Variants in TNFRSF4 observed in about 807,000 individuals in gnomAD.
TNFRSF4 encodes the protein TNF receptor superfamily member 4, also known as tumor necrosis factor receptor superfamily member 4.
Under a neutral mutation model 29.5 loss-of-function variants are expected in TNFRSF4, and 21 were observed. That is an observed-to-expected ratio of 0.71 (90% CI 0.51 to 1.03). TNFRSF4 has a LOEUF of 1.03. Among genes scored for constraint, TNFRSF4 ranks in the 50% least tolerant of loss-of-function variants. TNFRSF4 has a pLI of 0.00. For synonymous variants in TNFRSF4, 197 were observed against 172.7 expected, an observed-to-expected ratio of 1.14 and a Z score of -1.10; for missense variants, 408 against 387.8, an observed-to-expected ratio of 1.05 and a Z score of -0.44.
rs536607553 is a variant in TNFRSF4, at chr1:1,211,561, C to T, written c.828G>A (p.Lys276=). The change falls in exon 7 of 7, where the codon AAG becomes AAA. Residue 276 remains lysine, a synonymous_variant. Coordinates refer to ENST00000379236, the MANE Select transcript of TNFRSF4 (RefSeq NM_003327.4). ...CCACCTTGGTGGGCCCAGGTCAGAT[C>T]TTGGCCAGGGTGGAGTGGGCGTCGG... is the stretch of plus-strand genomic sequence containing the variant. ...EQADAHSTLA[K]I is the part of the protein sequence containing the mutation. 2 of 1,504,216 alleles carry T rather than the reference C, an allele frequency of 1.3e-6. No individual in the cohort carries two copies. The highest frequency in any genetic ancestry group is 1.3e-5 in the South Asian group (1 of 74,726). The allele number at this position is 1,504,216 out of a possible 1,614,324, so 93.2% of individuals were successfully genotyped here. A position where few individuals can be genotyped will look rare whatever the true frequency, so the allele number is the denominator to read the frequency against.
intron 1 of TNFRSF4, 39 bp from the exon 2 acceptor site, chr1:1,213,824 A>T: frequency 6.4e-7 from 1 of 1,561,136 alleles, no homozygotes; most frequent in Non-Finnish European, 8.6e-7. Context: ...GTCAGGCCCC[A>T]GGCTTGCGCC....
Position 1,211,495 on chromosome 1 carries a change from C to G in TNFRSF4, c.*60G>C. The G allele has an allele frequency of 6.9e-7, 1 of 1,447,466 alleles. No individual in the cohort carries two copies. The highest frequency in any genetic ancestry group is 2.6e-5 in the East Asian group (1 of 38,358). The allele number at this position is 1,447,466 out of a possible 1,614,324, so 89.7% of individuals were successfully genotyped here. On this transcript the variant is annotated 3_prime_UTR_variant, in exon 7 of 7. Transcript: ENST00000379236. ...GGCGGCCTGCACCTGCCCTGCTCGCCCAGCAGACCCTCCGGGCTCCAGCCT... is the reference window on the plus strand; with the variant it reads ...GGCGGCCTGCACCTGCCCTGCTCGCGCAGCAGACCCTCCGGGCTCCAGCCT...
Position 1,211,934 on chromosome 1 carries a change from G to A in TNFRSF4, c.634+8C>T, listed in dbSNP as rs199647845. ...GGGGCCCCGCTGGGCTGGGCCAGGC[G>A]CCCTTACCCCCGGGGACCTCCACGG... On this transcript the variant is annotated splice_region_variant and intron_variant, in intron 5 of 6. Coordinates refer to ENST00000379236, the MANE Select transcript of TNFRSF4 (RefSeq NM_003327.4). 13 of 1,542,752 alleles carry A rather than the reference G, an allele frequency of 8.4e-6. No individual in the cohort carries two copies. Among genetic ancestry groups the A allele is most frequent in the African/African-American group, 2.7e-5 (2 of 72,918 alleles).
intron 4 of TNFRSF4, 37 bp from the exon 5 acceptor site, chr1:1,212,175 C>T (rs774059484): frequency 5.0e-6 from 8 of 1,607,292 alleles, no homozygotes; most frequent in Non-Finnish European, 6.8e-6. Context: ...AGGCCAGAAA[C>T]CCCCTGGGAC....
intron 1 of TNFRSF4, 44 bp from the exon 2 acceptor site, chr1:1,213,829 T>G: frequency 6.4e-7 from 1 of 1,552,676 alleles, no homozygotes; most frequent in South Asian, 1.2e-5. Flanking sequence ...GCCCCAGGCT[T>G]GCGCCCGTGG....
rs1056773421 is a variant in TNFRSF4 at position 1,213,004 on chromosome 1, T to G, written c.358A>C (p.Lys120Gln). Reference sequence around the variant, plus strand: ...CCACCGAGCTCACCAACTCCAGGCTTGTAGCTGTCCAGGGGCTGGGTGCCC... The same window carrying G: ...CCACCGAGCTCACCAACTCCAGGCTGGTAGCTGTCCAGGGGCTGGGTGCCC... Reference protein sequence around the residue: ...RAGTQPLDSYKPGVDCAPCPP... With the variant: ...RAGTQPLDSYQPGVDCAPCPP... The change falls in exon 3 of 7, where the codon AAG (lysine) becomes CAG (glutamine). Residue 120 changes from lysine to glutamine, a missense_variant. Lys to Gln is a moderately conservative substitution (Grantham distance 53). Coordinates refer to ENST00000379236, the MANE Select transcript of TNFRSF4 (RefSeq NM_003327.4). 1 of 1,611,214 alleles carries G rather than the reference T, an allele frequency of 6.2e-7. No individual in the cohort carries two copies. Among genetic ancestry groups the G allele is most frequent in the Non-Finnish European group, 8.5e-7 (1 of 1,179,262 alleles).
At chr1:1,212,957 C>G in intron 3 of TNFRSF4, 35 bp downstream of exon 3, 1 of 1,572,668 alleles carries the variant, frequency 6.4e-7, no homozygotes, top group Non-Finnish European at 8.6e-7. Context: ...CCGCTATGCA[C>G]ACCCCCAACC....
At position 1,211,692 on chromosome 1, in the gene TNFRSF4, T is replaced by C. The variant is rs1252673713; in HGVS notation, c.763+12A>G. The C allele has an allele frequency of 1.3e-6, 2 of 1,591,134 alleles. No homozygotes were observed. Among genetic ancestry groups the C allele is most frequent in the African/African-American group, 2.7e-5 (2 of 74,264 alleles). Reference sequence around the variant, plus strand: ...CGCCAGGAGCAGTGCGGCAGGGCCATGAGGCACTCACCAGGGGGCTTGTGG... The same window carrying C: ...CGCCAGGAGCAGTGCGGCAGGGCCACGAGGCACTCACCAGGGGGCTTGTGG... On this transcript the variant is annotated intron_variant, in intron 6 of 6. Coordinates refer to ENST00000379236, the MANE Select transcript of TNFRSF4 (RefSeq NM_003327.4).
intron 2 of TNFRSF4, 24 bp from the exon 3 acceptor site, chr1:1,213,117 G>A (rs772326773): frequency 1.9e-6 from 3 of 1,594,540 alleles, no homozygotes; most frequent in South Asian, 2.2e-5. Context: ...GGATGGGGGG[G>A]TGGTCAGGTG....
Position 1,213,680 on chromosome 1 carries a change from C to T in TNFRSF4, c.251G>A (p.Cys84Tyr), listed in dbSNP as rs1352399688. The change falls in exon 2 of 7, where the codon TGC becomes TAC. Residue 84 changes from cysteine (C) to tyrosine (Y), a missense_variant. Transcript: ENST00000379236. ...DVVSSKPCKP[C>Y]TWCNLRSGSE... ...GAGCTCACTGAGGTTACACCACGTG[C>T]AGGGCTTGCACGGCTTGGAGCTGAC... 1 of 1,593,938 alleles carries T rather than the reference C, an allele frequency of 6.3e-7. No homozygotes were observed. Among genetic ancestry groups the T allele is most frequent in the Non-Finnish European group, 8.5e-7 (1 of 1,171,208 alleles).
rs757456947 is a variant in TNFRSF4 at position 1,213,459 on chromosome 1, C to T, written c.268+204G>A. 14 of 1,502,618 alleles carry T rather than the reference C, an allele frequency of 9.3e-6. No individual in the cohort carries two copies. In the South Asian group the frequency reaches 1.8e-4, roughly 19 times the overall value. The allele number at this position is 1,502,618 out of a possible 1,614,324, so 93.1% of individuals were successfully genotyped here. A position where few individuals can be genotyped will look rare whatever the true frequency, so the allele number is the denominator to read the frequency against. On this transcript the variant is annotated intron_variant, in intron 2 of 6. Coordinates refer to ENST00000379236, the MANE Select transcript of TNFRSF4 (RefSeq NM_003327.4). ...TCTCCCCGACTCCACGTGGCCTGGGCCGAGTCTGGGCCCCCGGAGGGAGAG... is the reference window on the plus strand; with the variant it reads ...TCTCCCCGACTCCACGTGGCCTGGGTCGAGTCTGGGCCCCCGGAGGGAGAG...
Position 1,213,889 on chromosome 1 carries a change from C to T in TNFRSF4, c.145+94G>A, listed in dbSNP as rs1046981993. The T allele has an allele frequency of 2.8e-6, 4 of 1,433,700 alleles. No homozygotes were observed. The Admixed American group carries it at 9.5e-5, about 34-fold the overall frequency. 88.8% of individuals were successfully genotyped at this position (1,433,700 alleles called of 1,614,324 possible). ...AGGCTTGGCCGGCCCCTCACCCGCC[C>T]CCTCCCCAGGACCAGCCTCCTGGCT... On this transcript the variant is annotated intron_variant, in intron 1 of 6. Transcript: ENST00000379236.
At chr1:1,213,429 C>A in intron 2 of TNFRSF4, 2 of 1,530,316 alleles carry the variant, frequency 1.3e-6, no homozygotes. Flanking sequence ...ACATGGCCAG[C>A]GTGGTCTCCC....
Position 1,212,031 on chromosome 1 carries a change from G to A in TNFRSF4, c.545C>T (p.Pro182Leu). 1 of 1,611,252 alleles carries A rather than the reference G, an allele frequency of 6.2e-7. No individual in the cohort carries two copies. The highest frequency in any genetic ancestry group is 2.2e-5 in the East Asian group (1 of 44,852). Residue 182 changes from proline (P) to leucine (L), a missense_variant, in exon 5 of 7, where the codon CCC (proline) becomes CTC (leucine). By Grantham distance (98) the Pro-to-Leu change is moderately conservative. Transcript: ENST00000379236. ...PATQPQETQG[P>L]PARPITVQPT... ...CTGGACAGTGATGGGCCTGGCCGGG[G>A]GGCCCTGGGTCTCCTGGGGCTGCGT...
chr1:1,211,641 G>A lies in TNFRSF4; in HGVS notation c.764-16C>T, dbSNP rs539252479. 3.8e-6 allele frequency: 6 copies of A among 1,562,528 alleles called. No homozygotes were observed. The East Asian group carries it at 1.2e-4, about 30-fold the overall frequency. ...CTGCCTCCCCCTGGGGAGGAAAAAA[G>A]GAGAGATTGGTGGGTGGGCCTCACC... On this transcript the variant is annotated splice_polypyrimidine_tract_variant and intron_variant, in intron 6 of 6. Transcript: ENST00000379236.
chr1:1,212,616 A>ACCCC, intron 4 of TNFRSF4, 22 bp downstream of exon 4: 1 of 528,368 alleles, frequency 1.9e-6, no homozygotes, highest in Non-Finnish European at 2.7e-6. Context: ...AGCCCCTCCC[A>ACCCC]GCCCCTGGCC....
In TNFRSF4 at chr1:1,214,130, T is replaced by C. The variant is rs1401311878; in HGVS notation, c.-3A>G. The C allele has an allele frequency of 1.3e-6, 2 of 1,575,768 alleles. No individual in the cohort carries two copies. Among genetic ancestry groups the C allele is most frequent in the Non-Finnish European group, 1.7e-6 (2 of 1,167,610 alleles). The stretch of plus-strand genomic sequence containing the variant: ...AGCCGCCGAGCCCCCACGCACATCC[T>C]CGTCTCTGCTGTCGCCAGAGTCTGG... On this transcript the variant is annotated 5_prime_UTR_variant, in exon 1 of 7. Coordinates refer to ENST00000379236, the MANE Select transcript of TNFRSF4 (RefSeq NM_003327.4). This position sits in a 1 kb window ranked among gnomAD's most constrained non-coding sequence, Gnocchi z 4.2.
intron 2 of TNFRSF4, 173 bp from the exon 3 acceptor site, chr1:1,213,266 C>T (rs1030160771): frequency 3.9e-5 from 60 of 1,532,638 alleles, no homozygotes; most frequent in Non-Finnish European, 5.1e-5. Context: ...CTCCTGGGCC[C>T]TCCCTTCCTG....
In TNFRSF4 at chr1:1,213,711, C is replaced by T. The variant is rs1557508466; in HGVS notation, c.220G>A (p.Asp74Asn). Residue 74 changes from aspartate (D) to asparagine (N), a missense_variant, in exon 2 of 7, where the codon GAC becomes AAC. Physicochemically the swap from Asp to Asn is conservative, Grantham distance 23. Coordinates refer to ENST00000379236, the MANE Select transcript of TNFRSF4 (RefSeq NM_003327.4). ...TTGCACGGCTTGGAGCTGACCACGTCGTTGTAGAAGCCCGGCCCGCACGGA... is the reference window on the plus strand; with the variant it reads ...TTGCACGGCTTGGAGCTGACCACGTTGTTGTAGAAGCCCGGCCCGCACGGA... ...CRPCGPGFYNDVVSSKPCKPC... is the reference protein window; with the variant it reads ...CRPCGPGFYNNVVSSKPCKPC... The T allele has an allele frequency of 3.8e-6, 6 of 1,599,234 alleles. No homozygotes were observed. The highest frequency in any genetic ancestry group is 5.1e-6 in the Non-Finnish European group (6 of 1,174,122).
Sources: allele counts gnomAD v4.1 joint callset, GRCh38; gene constraint gnomAD v4.1.1; non-coding constraint Gnocchi (gnomAD v3.1); transcripts MANE v1.5; gene names NCBI Gene and HGNC (gene_info 2026-07-23, HGNC 2026-07-21).